The following EDEM3 variants were observed in gnomAD, a reference collection of about 807,000 sequenced individuals.
The protein encoded by EDEM3 is ER degradation enhancing alpha-mannosidase like protein 3, also known as ER degradation-enhancing alpha-mannosidase-like protein 3.
In EDEM3, 60 loss-of-function variants were observed where a neutral mutation model predicts 110.2. The ratio of observed to expected loss-of-function variants is 0.54; its 90% CI spans 0.44 to 0.67. The LOEUF (loss-of-function observed/expected upper bound fraction) is 0.67, where lower values mean the gene tolerates loss of function less well. EDEM3 is among the 30% of genes least tolerant of loss of function. The pLI, the probability that EDEM3 is intolerant of heterozygous loss-of-function variation, is 0.00. For synonymous variants in EDEM3, 352 were observed against 382.9 expected (o/e 0.92, Z 0.94); for missense variants, 996 against 1,121.0 (o/e 0.89, Z 1.59).
At chr1:184,715,911 A>G (rs1008295422) in intron 13 of EDEM3, among the ~76,000 whole-genome samples, 1 of 152,152 alleles carries the variant, frequency 6.6e-6, no homozygotes, top group Non-Finnish European at 1.5e-5. Flanking sequence ...TTATCCGAAC[A>G]CTAAGTGAAG....
intron 2 of EDEM3, among the ~76,000 whole-genome samples, chr1:184,748,540 G>C (rs1257674227): frequency 2.0e-5 from 3 of 151,808 alleles, no homozygotes; most frequent in Non-Finnish European, 4.4e-5. Context: ...TTTTAATGTT[G>C]AAATGTATCC....
At chr1:184,721,415 T>A in intron 8 of EDEM3, 29 bp from the exon 9 acceptor site, 1 of 1,547,126 alleles carries the variant, frequency 6.5e-7, no homozygotes, top group Non-Finnish European at 8.7e-7. Flanking sequence ...GATTTTTCAT[T>A]AAATTTTTTT....
At chr1:184,734,796 G>A (rs897526712) in intron 4 of EDEM3, among the ~76,000 whole-genome samples, 153 bp from the exon 5 acceptor site, 2 of 152,148 alleles carry the variant, frequency 1.3e-5, no homozygotes, top group South Asian at 2.1e-4. Flanking sequence ...ATGTAATAAT[G>A]TCTAAAACTA....
intron 8 of EDEM3, among the ~76,000 whole-genome samples, chr1:184,722,336 A>G (rs1383436316): frequency 6.6e-6 from 1 of 152,044 alleles, no homozygotes; most frequent in Non-Finnish European, 1.5e-5. Flanking sequence ...TTAATTTAAC[A>G]GCTGAAGTAT....
At chr1:184,752,776 G>C (rs1652836640) in intron 1 of EDEM3, among the ~76,000 whole-genome samples, 2 of 152,148 alleles carry the variant, frequency 1.3e-5, no homozygotes, top group African/African-American at 4.8e-5. Context: ...CTGGCTCTGG[G>C]ATCAGACAGG....
chr1:184,754,549 G>T lies in EDEM3; in HGVS notation c.98C>A (p.Ala33Asp). 6.2e-7 allele frequency: 1 copy of T among 1,612,814 alleles called. No homozygotes were observed. Among genetic ancestry groups the T allele is most frequent in the South Asian group, 1.1e-5 (1 of 91,074 alleles). The change falls in exon 1 of 20, where the codon GCC becomes GAC. Residue 33 changes from alanine to aspartate, a missense_variant. Ala to Asp is a moderately radical substitution (Grantham distance 126). This residue lies in a region of EDEM3 where 200 missense variants were observed against 183.8 expected (regional missense o/e 1.09). Coordinates refer to ENST00000318130, the MANE Select transcript of EDEM3 (RefSeq NM_025191.4). ...GGCCCCCGCCGTCCACACGGAGGTG[G>T]CCGACACCAGGCAGAACGCGGCCGT... Reference protein sequence around the residue: ...AATAAFCLVSATSVWTAGAEP... With the variant: ...AATAAFCLVSDTSVWTAGAEP...
intron 8 of EDEM3, among the ~76,000 whole-genome samples, chr1:184,721,963 G>GTTT (rs1241636333): frequency 6.6e-6 from 1 of 151,886 alleles, no homozygotes; most frequent in East Asian, 1.9e-4. Flanking sequence ...AAATTTCACA[G>GTTT]TTTTCATGTT....
intron 13 of EDEM3, among the ~76,000 whole-genome samples, chr1:184,716,321 T>G (rs1650543844): frequency 6.6e-6 from 1 of 152,198 alleles, no homozygotes; most frequent in Non-Finnish European, 1.5e-5. Context: ...GATAACCAGA[T>G]AAGTGATCTT....
At chr1:184,707,250 T>C (rs775245551) in intron 17 of EDEM3, among the ~76,000 whole-genome samples, 8 of 152,190 alleles carry the variant, frequency 5.3e-5, no homozygotes, top group Non-Finnish European at 1.5e-5. Flanking sequence ...AGAAAAGTTT[T>C]TGAAAGGGGA....
chr1:184,710,752 T>G (rs892395514), intron 15 of EDEM3, among the ~76,000 whole-genome samples: 10 of 152,256 alleles, frequency 6.6e-5, no homozygotes, highest in African/African-American at 2.4e-4. Context: ...GTTATAAAAG[T>G]TTGTATATTA....
At chr1:184,729,001 C>T (rs924693407) in intron 6 of EDEM3, among the ~76,000 whole-genome samples, 2 of 151,992 alleles carry the variant, frequency 1.3e-5, no homozygotes, top group East Asian at 3.9e-4. Context: ...GGGTTCAGTG[C>T]TTTTTTTGCT....
At position 184,716,910 on chromosome 1, in the gene EDEM3, G is replaced by A. The variant is rs771252507; in HGVS notation, c.1348C>T (p.Arg450Cys). The change falls in exon 13 of 20, where the codon CGT becomes TGT. Residue 450 changes from arginine to cysteine, a missense_variant. Arg to Cys is a radical substitution (Grantham distance 180). This residue lies in a region of EDEM3 where 310 missense variants were observed against 394.6 expected (regional missense o/e 0.79). Transcript: ENST00000318130. ...PCGFAAMKDVRTGSHEDRMDS... is the reference protein window; with the variant it reads ...PCGFAAMKDVCTGSHEDRMDS... ...TACCTGTCCTCATGACTTCCAGTAC[G>A]AACATCCTTCATGGCAGCAAATCCG... The A allele has an allele frequency of 9.9e-6, 16 of 1,613,166 alleles. No individual in the cohort carries two copies. Among genetic ancestry groups the A allele is most frequent in the Non-Finnish European group, 1.4e-5 (16 of 1,179,410 alleles).
At position 184,702,883 on chromosome 1, in the gene EDEM3, T is replaced by G. The variant is rs553199268; in HGVS notation, c.2317A>C (p.Ser773Arg). Reference sequence around the variant, plus strand: ...TCCCGGATGGCATCCAGTATGATACTTCCTTCTTTGCTGAATAAGAACAGC... The same window carrying G: ...TCCCGGATGGCATCCAGTATGATACGTCCTTCTTTGCTGAATAAGAACAGC... ...PMLFLFSKEG[S>R]IILDAIREYE... The change falls in exon 19 of 20, where the codon AGT (serine) becomes CGT (arginine). Residue 773 changes from serine (S) to arginine (R), a missense_variant. Around this residue, in one of 5 missense-constraint regions of EDEM3, gnomAD observed 345 missense variants for 402.0 expected, o/e 0.86. Coordinates refer to ENST00000318130, the MANE Select transcript of EDEM3 (RefSeq NM_025191.4). 3.0e-5 allele frequency: 48 copies of G among 1,613,552 alleles called. 1 individual carries two copies. In the South Asian group the frequency reaches 5.3e-4, roughly 18 times the overall value.
At chr1:184,707,998 T>G (rs550955740) in intron 17 of EDEM3, among the ~76,000 whole-genome samples, 155 bp downstream of exon 17, 6 of 152,246 alleles carry the variant, frequency 3.9e-5, no homozygotes, top group African/African-American at 1.4e-4. Context: ...CTCAAAGTTT[T>G]CAAGACATGC....
At position 184,693,186 on chromosome 1, in the gene EDEM3, G is replaced by A. The variant is rs116142910; in HGVS notation, c.*877C>T. The stretch of plus-strand genomic sequence containing the variant: ...AGAGGTAATCACCTCTAAGAGAAAT[G>A]AACTGGAAATGATTTATAATCTACC... On this transcript the variant is annotated 3_prime_UTR_variant, in exon 20 of 20. Transcript: ENST00000318130. The A allele has an allele frequency of 6.6e-3, 1,031 of 155,122 alleles. 17 individuals carry two copies. Among genetic ancestry groups the A allele is most frequent in the African/African-American group, 0.024 (995 of 41,606 alleles). The allele number at this position is 155,122 out of a possible 1,614,324, so 9.6% of individuals were successfully genotyped here.
intron 15 of EDEM3, 53 bp downstream of exon 15, chr1:184,711,670 C>A: frequency 6.7e-7 from 1 of 1,486,600 alleles, no homozygotes. Flanking sequence ...AGTTCTCTGT[C>A]ATTTACTAAG....
intron 7 of EDEM3, among the ~76,000 whole-genome samples, chr1:184,724,310 T>C (rs1033749423): frequency 2.6e-5 from 4 of 152,132 alleles, no homozygotes; most frequent in Non-Finnish European, 5.9e-5. Context: ...TCAAAGGTAG[T>C]ATGCTATCTT....
At chr1:184,702,678 AATC>A in intron 19 of EDEM3, 130 bp downstream of exon 19, 1 of 567,504 alleles carries the variant, frequency 1.8e-6, no homozygotes, top group Non-Finnish European at 2.8e-6. Flanking sequence ...TATATTTTGA[AATC>A]ATCTTCTAAA....
intron 7 of EDEM3, among the ~76,000 whole-genome samples, chr1:184,725,057 T>C (rs1366169383): frequency 6.6e-6 from 1 of 152,220 alleles, no homozygotes; most frequent in Non-Finnish European, 1.5e-5. Flanking sequence ...TAAAGCTTTA[T>C]TTATAAAAAC....
Sources: gnomAD v4.1 joint callset for allele counts (sites outside exome capture counted in the v4.1 genomes callset) on GRCh38, gnomAD v4.1.1 for gene constraint, gnomAD v4.1.1 regional missense constraint, MANE v1.5 for transcripts, NCBI Gene and HGNC (gene_info 2026-07-23, HGNC 2026-07-21) for gene names.